The following NOPCHAP1 variants were observed in gnomAD, a reference collection of about 807,000 sequenced individuals.
The protein encoded by NOPCHAP1 is NOP protein chaperone 1.
Under a neutral mutation model 14.0 loss-of-function variants are expected in NOPCHAP1, and 13 were observed. The ratio of observed to expected loss-of-function variants is 0.93; its 90% confidence interval spans 0.60 to 1.47. The LOEUF (loss-of-function observed/expected upper bound fraction) is 1.47. Among genes scored for constraint, NOPCHAP1 ranks in the 40% most tolerant of loss-of-function variants. The pLI is 0.00. For synonymous variants in NOPCHAP1, 78 were observed against 78.4 expected (o/e 1.00, Z 0.03); for missense variants, 230 against 226.9 (o/e 1.01, Z -0.09).
At position 105,001,813 on chromosome 12, in the gene NOPCHAP1, A is replaced by T. The variant is rs1873616338; in HGVS notation, c.*7117A>T. On this transcript the variant is annotated 3_prime_UTR_variant, in exon 4 of 4. Transcript: ENST00000552951. The stretch of plus-strand genomic sequence containing the variant: ...ATTAAGGTAGAGTTTATAGTAGATG[A>T]AAGTGGCTCTAGTATCCACCAGAAT... 1 of 152,198 alleles carries T rather than the reference A, an allele frequency of 6.6e-6. No individual in the cohort carries two copies. Among genetic ancestry groups the T allele is most frequent in the Non-Finnish European group, 1.5e-5 (1 of 68,024 alleles). The allele number at this position is 152,198 out of a possible 1,614,324, so 9.4% of individuals were successfully genotyped here. A position where few individuals can be genotyped will look rare whatever the true frequency, so the allele number is the denominator to read the frequency against.
Position 104,996,805 on chromosome 12 carries a change from A to G in NOPCHAP1, c.*2109A>G, listed in dbSNP as rs989494111. The stretch of plus-strand genomic sequence containing the variant: ...TCTGTTGGGTGCATGTATGTTTAGG[A>G]TAGTTAGGTCTTATTGAATTAAGCC... On this transcript the variant is annotated 3_prime_UTR_variant, in exon 4 of 4. Coordinates refer to ENST00000552951, the MANE Select transcript of NOPCHAP1 (RefSeq NM_152318.3). 2 of 152,094 alleles carry G rather than the reference A, an allele frequency of 1.3e-5. No individual in the cohort carries two copies. Among genetic ancestry groups the G allele is most frequent in the African/African-American group, 2.4e-5 (1 of 41,414 alleles). 9.4% of individuals were successfully genotyped at this position (152,094 alleles called of 1,614,324 possible). A position where few individuals can be genotyped will look rare whatever the true frequency, so the allele number is the denominator to read the frequency against.
In NOPCHAP1 at chr12:105,002,025, C is replaced by T. The variant is rs768605864; in HGVS notation, c.*7329C>T. 5.9e-5 allele frequency: 9 copies of T among 152,054 alleles called. No homozygotes were observed. Among genetic ancestry groups the T allele is most frequent in the Non-Finnish European group, 1.2e-4 (8 of 68,010 alleles). 9.4% of individuals were successfully genotyped at this position (152,054 alleles called of 1,614,324 possible). Reference sequence around the variant, plus strand: ...ATCTCTAGAGTTAAGACCTTGTGGACTCATTCTAGTGGGGAAATAGTATGG... The same window carrying T: ...ATCTCTAGAGTTAAGACCTTGTGGATTCATTCTAGTGGGGAAATAGTATGG... On this transcript the variant is annotated 3_prime_UTR_variant, in exon 4 of 4. Transcript: ENST00000552951.
At chr12:104,987,907 A>G (rs1308074137) in intron 1 of NOPCHAP1, among the ~76,000 whole-genome samples, 1 of 152,244 alleles carries the variant, frequency 6.6e-6, no homozygotes, top group Non-Finnish European at 1.5e-5. Context: ...TCTGATCCAG[A>G]AAAGTGCAGA....
chr12:105,009,511 G>A lies in NOPCHAP1; in HGVS notation c.*14815G>A, dbSNP rs1400954845. The A allele has an allele frequency of 6.6e-6, 1 of 152,152 alleles. No individual in the cohort carries two copies. Among genetic ancestry groups the A allele is most frequent in the Non-Finnish European group, 1.5e-5 (1 of 68,028 alleles). The allele number at this position is 152,152 out of a possible 1,614,324, so 9.4% of individuals were successfully genotyped here. On this transcript the variant is annotated 3_prime_UTR_variant, in exon 4 of 4. Coordinates refer to ENST00000552951, the MANE Select transcript of NOPCHAP1 (RefSeq NM_152318.3). ...ACTTCCAATACTATGTTGAATAGGA[G>A]TGGTGAGAGAGGGCATCCTTGTTTT... is the stretch of plus-strand genomic sequence containing the variant.
chr12:104,992,420 C>T (rs935059455), intron 3 of NOPCHAP1, among the ~76,000 whole-genome samples: 1 of 152,232 alleles, frequency 6.6e-6, no homozygotes, highest in Non-Finnish European at 1.5e-5. Context: ...TAATTATGGC[C>T]TCTCCTTTGG....
rs1873797082 is a variant in NOPCHAP1 at position 105,010,477 on chromosome 12, C to G, written c.*15781C>G. ...GGGTTTTTTGTGTCTCTATCTCCTT[C>G]AGTTCTGCTCTGATCTTAGTTATTT... On this transcript the variant is annotated 3_prime_UTR_variant, in exon 4 of 4. Transcript: ENST00000552951. 1 of 152,264 alleles carries G rather than the reference C, an allele frequency of 6.6e-6. No homozygotes were observed. The highest frequency in any genetic ancestry group is 1.5e-5 in the Non-Finnish European group (1 of 68,016). The allele number at this position is 152,264 out of a possible 1,614,324, so 9.4% of individuals were successfully genotyped here. A position where few individuals can be genotyped will look rare whatever the true frequency, so the allele number is the denominator to read the frequency against.
rs181564381 is a variant in NOPCHAP1 at position 104,994,431 on chromosome 12, T to C, written c.340-47T>C. ...CCCAATATTGTTTTATTACGACTTT[T>C]TAAGGAACTGCTCTGAAATAGATTT... On this transcript the variant is annotated intron_variant, in intron 3 of 3. Coordinates refer to ENST00000552951, the MANE Select transcript of NOPCHAP1 (RefSeq NM_152318.3). 3 of 1,499,484 alleles carry C rather than the reference T, an allele frequency of 2.0e-6. No individual in the cohort carries two copies. In the East Asian group the frequency reaches 6.8e-5, roughly 34 times the overall value. 92.9% of individuals were successfully genotyped at this position (1,499,484 alleles called of 1,614,324 possible). A position where few individuals can be genotyped will look rare whatever the true frequency, so the allele number is the denominator to read the frequency against.
rs75104724 is a variant in NOPCHAP1 at position 105,002,315 on chromosome 12, T to A, written c.*7619T>A. 1.3e-5 allele frequency: 2 copies of A among 152,216 alleles called. No homozygotes were observed. Among genetic ancestry groups the A allele is most frequent in the Non-Finnish European group, 2.9e-5 (2 of 68,028 alleles). 9.4% of individuals were successfully genotyped at this position (152,216 alleles called of 1,614,324 possible). On this transcript the variant is annotated 3_prime_UTR_variant, in exon 4 of 4. Transcript: ENST00000552951. The stretch of plus-strand genomic sequence containing the variant: ...AAAATGTTGGGCTAGGGCCACCAAT[T>A]CAATCATATCTATAACCTCCCATCC...
rs12310790 is a variant in NOPCHAP1, at chr12:105,012,949, G to A, written c.*18253G>A. 10,314 of 152,434 alleles carry A rather than the reference G, an allele frequency of 0.068. 494 individuals are homozygous for A. Among genetic ancestry groups the A allele is most frequent in the East Asian group, 0.19 (1,000 of 5,180 alleles). The allele number at this position is 152,434 out of a possible 1,614,324, so 9.4% of individuals were successfully genotyped here. On this transcript the variant is annotated 3_prime_UTR_variant, in exon 4 of 4. Transcript: ENST00000552951. ...TCTGCTGGGAGGTGTCTCCCAGTCAGTAGGCATAGGGGTCAAGGACCCACT... is the reference window on the plus strand; with the variant it reads ...TCTGCTGGGAGGTGTCTCCCAGTCAATAGGCATAGGGGTCAAGGACCCACT...
rs1304173495 is a variant in NOPCHAP1, at chr12:105,011,523, A to G, written c.*16827A>G. ...TTAAGGTTAATATTGTTATGTGCGA[A>G]TTTGATCCTGTCATTATGATGGTTA... On this transcript the variant is annotated 3_prime_UTR_variant, in exon 4 of 4. Coordinates refer to ENST00000552951, the MANE Select transcript of NOPCHAP1 (RefSeq NM_152318.3). The G allele has an allele frequency of 6.6e-6, 1 of 152,160 alleles. No homozygotes were observed. The highest frequency in any genetic ancestry group is 1.9e-4 in the East Asian group (1 of 5,202). The allele number at this position is 152,160 out of a possible 1,614,324, so 9.4% of individuals were successfully genotyped here.
chr12:104,991,660 G>C, intron 2 of NOPCHAP1, 52 bp from the exon 3 acceptor site: 1 of 1,516,858 alleles, frequency 6.6e-7, no homozygotes, highest in Non-Finnish European at 8.9e-7. Context: ...GAAATCCTGG[G>C]TTTCAGAATT....
At position 105,007,852 on chromosome 12, in the gene NOPCHAP1, C is replaced by T. The variant is rs1371246158; in HGVS notation, c.*13156C>T. The T allele has an allele frequency of 2.6e-5, 4 of 152,232 alleles. No homozygotes were observed. Among genetic ancestry groups the T allele is most frequent in the Non-Finnish European group, 5.9e-5 (4 of 68,056 alleles). 9.4% of individuals were successfully genotyped at this position (152,232 alleles called of 1,614,324 possible). ...GACATGAACTCATCCTTTTTTATGG[C>T]TACATAGTATTCCATGGTGTACATA... On this transcript the variant is annotated 3_prime_UTR_variant, in exon 4 of 4. Transcript: ENST00000552951.
rs1873670998 is a variant in NOPCHAP1 at position 105,004,623 on chromosome 12, T to C, written c.*9927T>C. On this transcript the variant is annotated 3_prime_UTR_variant, in exon 4 of 4. Transcript: ENST00000552951. ...TATCTGTTTGAATAAAATAACCTAG[T>C]TTTTTTAGGTTATTATAAAGTCAAA... is the stretch of plus-strand genomic sequence containing the variant. 1.3e-5 allele frequency: 2 copies of C among 152,168 alleles called. No individual in the cohort carries two copies. The highest frequency in any genetic ancestry group is 6.6e-5 in the Admixed American group (1 of 15,264). 9.4% of individuals were successfully genotyped at this position (152,168 alleles called of 1,614,324 possible).
chr12:104,990,534 T>G (rs1773204345), intron 2 of NOPCHAP1, among the ~76,000 whole-genome samples: 1 of 152,244 alleles, frequency 6.6e-6, no homozygotes, highest in Admixed American at 6.5e-5. Context: ...GGTCGTCTAC[T>G]TGACCTTGGC....
rs12580237 is a variant in NOPCHAP1, at chr12:105,016,199, G to A, written c.*21503G>A. Reference sequence around the variant, plus strand: ...TTAGAAAAAAATGACGGATATCTCAGTAGTGAAAAGACTATAGGAAATGAA... The same window carrying A: ...TTAGAAAAAAATGACGGATATCTCAATAGTGAAAAGACTATAGGAAATGAA... On this transcript the variant is annotated 3_prime_UTR_variant, in exon 4 of 4. Coordinates refer to ENST00000552951, the MANE Select transcript of NOPCHAP1 (RefSeq NM_152318.3). 2 of 152,238 alleles carry A rather than the reference G, an allele frequency of 1.3e-5. No homozygotes were observed. Among genetic ancestry groups the A allele is most frequent in the South Asian group, 2.1e-4 (1 of 4,826 alleles). 9.4% of individuals were successfully genotyped at this position (152,238 alleles called of 1,614,324 possible). A position where few individuals can be genotyped will look rare whatever the true frequency, so the allele number is the denominator to read the frequency against.
chr12:104,998,047 G>A lies in NOPCHAP1; in HGVS notation c.*3351G>A, dbSNP rs766380897. ...GTGTGTTTTTCAGCTCTGTCAGATC[G>A]GTTTAGTTCTCTCTTATAATGGCCG... On this transcript the variant is annotated 3_prime_UTR_variant, in exon 4 of 4. Coordinates refer to ENST00000552951, the MANE Select transcript of NOPCHAP1 (RefSeq NM_152318.3). 3.3e-5 allele frequency: 5 copies of A among 152,250 alleles called. No individual in the cohort carries two copies. Among genetic ancestry groups the A allele is most frequent in the Admixed American group, 6.5e-5 (1 of 15,296 alleles). The allele number at this position is 152,250 out of a possible 1,614,324, so 9.4% of individuals were successfully genotyped here. A position where few individuals can be genotyped will look rare whatever the true frequency, so the allele number is the denominator to read the frequency against.
Position 104,986,442 on chromosome 12 carries a change from G to C in NOPCHAP1, c.90G>C (p.Leu30=), listed in dbSNP as rs760720058. ...GAGTCCCAGTGTCCAAGGAGCTGCT[G>C]ACGGCGGGAAGCGACGGCCGCGGAG... is the stretch of plus-strand genomic sequence containing the variant. ...SSGVPVSKEL[L]TAGSDGRGGI... The change falls in exon 1 of 4, where the codon CTG becomes CTC. Residue 30 remains leucine, a synonymous_variant. Transcript: ENST00000552951. The C allele has an allele frequency of 3.1e-6, 5 of 1,607,058 alleles. No individual in the cohort carries two copies. Among genetic ancestry groups the C allele is most frequent in the Middle Eastern group, 1.7e-4 (1 of 6,000 alleles).
chr12:104,988,946 T>C (rs1873313761), intron 2 of NOPCHAP1, among the ~76,000 whole-genome samples: 1 of 152,084 alleles, frequency 6.6e-6, no homozygotes, highest in Non-Finnish European at 1.5e-5. Flanking sequence ...TTTGTGGATA[T>C]AGGTTTTTGT....
At position 105,000,931 on chromosome 12, in the gene NOPCHAP1, G is replaced by C. The variant is rs1227954628; in HGVS notation, c.*6235G>C. The C allele has an allele frequency of 6.6e-6, 1 of 151,378 alleles. No homozygotes were observed. The highest frequency in any genetic ancestry group is 2.4e-5 in the African/African-American group (1 of 41,244). 9.4% of individuals were successfully genotyped at this position (151,378 alleles called of 1,614,324 possible). ...AGGTTTTTCAGTAACTATTTCATAA[G>C]AAACTAATTTATTTTGTATTTTCTG... On this transcript the variant is annotated 3_prime_UTR_variant, in exon 4 of 4. Coordinates refer to ENST00000552951, the MANE Select transcript of NOPCHAP1 (RefSeq NM_152318.3).
Sources: gnomAD v4.1 joint callset for allele counts (sites outside exome capture counted in the v4.1 genomes callset) on GRCh38, gnomAD v4.1.1 for gene constraint, MANE v1.5 for transcripts, NCBI Gene and HGNC (gene_info 2026-07-23, HGNC 2026-07-21) for gene names.